Variants in PRSS55 observed in about 807,000 individuals in gnomAD.
PRSS55 encodes the protein serine protease 55, also known as probable serine protease UNQ9391/PRO34284.
PRSS55 carries 41 observed loss-of-function variants against 23.6 expected under a neutral mutation model. The observed-to-expected ratio is 1.74, with a 90% CI of 1.35 to 2.26. PRSS55 has a LOEUF of 2.26. Ranked by LOEUF, PRSS55 falls within the 30% of genes most tolerant of loss-of-function variation. The pLI, the probability that PRSS55 is intolerant of heterozygous loss-of-function variation, is 0.00. For missense variants in PRSS55, 669 were observed against 439.1 expected (o/e 1.52, Z -4.68); for synonymous variants, 262 against 175.5 (o/e 1.49, Z -3.90).
At position 10,529,647 on chromosome 8, in the gene PRSS55, A is replaced by C; in HGVS notation, c.295A>C (p.Asn99His). ...ACCTTTCTGTGGCGGCTCCATCCTC[A>C]ACAAGTGGTGGATTCTCACTGCGGC... ...SEPFCGGSIL[N>H]KWWILTAAHC... Residue 99 changes from asparagine to histidine, a missense_variant, in exon 2 of 5, where the codon AAC (asparagine) becomes CAC (histidine). Asn to His is a moderately conservative substitution (Grantham distance 68). Transcript: ENST00000328655. 5 of 1,614,174 alleles carry C rather than the reference A, an allele frequency of 3.1e-6. No homozygotes were observed. Among genetic ancestry groups the C allele is most frequent in the Non-Finnish European group, 4.2e-6 (5 of 1,180,020 alleles).
intron 4 of PRSS55, chr8:10,545,004 C>A: frequency 2.0e-6 from 2 of 985,206 alleles, no homozygotes; most frequent in African/African-American, 3.5e-5. Context: ...TCTGTTGACC[C>A]AGCCTCAACA....
downstream of PRSS55, among the ~76,000 whole-genome samples, chr8:10,542,873 CAAAAAAAAAAAAA>C (rs57410579): frequency 3.7e-5 from 3 of 81,026 alleles, no homozygotes; most frequent in Non-Finnish European, 7.1e-5. Context: ...AACTTTGTCT[CAAAAAAAAAAAAA>C]AAAAAAAAAA....
At chr8:10,549,487 G>A (rs1005122817) in intron 4 of PRSS55, among the ~76,000 whole-genome samples, 6 of 152,328 alleles carry the variant, frequency 3.9e-5, no homozygotes, top group South Asian at 2.1e-4. Flanking sequence ...CTAAGCCCAC[G>A]TACAGCCTGT....
chr8:10,548,640 AG>A (rs912238892), intron 4 of PRSS55, among the ~76,000 whole-genome samples: 61 of 152,166 alleles, frequency 4.0e-4, no homozygotes, highest in African/African-American at 1.3e-3. Flanking sequence ...CCTGCCTGCA[AG>A]TCTCCTGCGG....
At chr8:10,549,104 A>G (rs56668946) in intron 4 of PRSS55, among the ~76,000 whole-genome samples, 41,886 of 152,084 alleles carry the variant, frequency 0.28, 6,713 homozygotes, top group East Asian at 0.42. Context: ...TTGACAGAAA[A>G]CATTCGCTTA....
downstream of PRSS55, among the ~76,000 whole-genome samples, chr8:10,543,272 C>A (rs1366112160): frequency 6.6e-6 from 1 of 152,026 alleles, no homozygotes; most frequent in Non-Finnish European, 1.5e-5. Context: ...AATGTAAGCC[C>A]GGAGCTTCTG....
In PRSS55 at chr8:10,538,575, A is replaced by G; in HGVS notation, c.841A>G (p.Thr281Ala). The change falls in exon 5 of 5, where the codon ACC (threonine) becomes GCC (alanine). Residue 281 changes from threonine to alanine, a missense_variant. By Grantham distance (58) the Thr-to-Ala change is moderately conservative (BLOSUM62 0). Coordinates refer to ENST00000328655, the MANE Select transcript of PRSS55 (RefSeq NM_198464.4). ...SWGKSCGEKN[T>A]PGIYTSLVNY... is the part of the protein sequence containing the mutation. ...GGGAAAGAGCTGTGGAGAGAAGAAC[A>G]CCCCAGGGATATACACCTCGTTGGT... 1.9e-6 allele frequency: 3 copies of G among 1,614,056 alleles called. No homozygotes were observed. Among genetic ancestry groups the G allele is most frequent in the Non-Finnish European group, 2.5e-6 (3 of 1,179,974 alleles).
rs776995885 is a variant in PRSS55, at chr8:10,538,530, C to T, written c.796C>T (p.Gln266Ter). The change falls in exon 5 of 5, where the codon CAG (glutamine) becomes TAG (stop). Residue 266 changes from glutamine to a stop codon, truncating the protein, a stop_gained. Coordinates refer to ENST00000328655, the MANE Select transcript of PRSS55 (RefSeq NM_198464.4). LOFTEE classifies it low-confidence loss of function (END_TRUNC). ...CCCAGAGCCTGGTGAGAAGTGGTAC[C>T]AGGTGGGCATCATAAGCTGGGGAAA... ...CTPEPGEKWYQVGIISWGKSC... is the reference protein window; with the variant it reads ...CTPEPGEKWY 9.9e-6 allele frequency: 16 copies of T among 1,614,014 alleles called. No homozygotes were observed. The highest frequency in any genetic ancestry group is 8.5e-7 in the Non-Finnish European group (1 of 1,180,026).
At position 10,529,610 on chromosome 8, in the gene PRSS55, G is replaced by A; in HGVS notation, c.258G>A (p.Gln86=). The A allele has an allele frequency of 6.2e-7, 1 of 1,614,220 alleles. No individual in the cohort carries two copies. The highest frequency in any genetic ancestry group is 8.5e-7 in the Non-Finnish European group (1 of 1,180,034). ...VGEFPWQVSI[Q]ARSEPFCGGS... is the part of the protein sequence containing the mutation. ...AGTTTCCGTGGCAGGTGAGTATTCA[G>A]GCAAGAAGTGAACCTTTCTGTGGCG... The change falls in exon 2 of 5, where the codon CAG becomes CAA. Residue 86 remains glutamine, a synonymous_variant. Transcript: ENST00000328655.
chr8:10,553,908 T>A, intron 4 of PRSS55: 1 of 1,391,966 alleles, frequency 7.2e-7, no homozygotes, highest in African/African-American at 1.5e-5. Context: ...TACATAAAAT[T>A]TTTTTAATTT....
intron 4 of PRSS55, among the ~76,000 whole-genome samples, chr8:10,553,613 G>T (rs1052471121): frequency 1.3e-5 from 2 of 152,280 alleles, no homozygotes. Context: ...TCATAGAATC[G>T]CAGAGTAGAA....
chr8:10,537,011 A>G (rs759294623), intron 4 of PRSS55, among the ~76,000 whole-genome samples: 4 of 152,234 alleles, frequency 2.6e-5, no homozygotes, highest in Non-Finnish European at 4.4e-5. Flanking sequence ...CATGTACCCT[A>G]TGAACGTAAA....
At chr8:10,526,213 C>G (rs573838332) in intron 1 of PRSS55, among the ~76,000 whole-genome samples, 9 of 152,332 alleles carry the variant, frequency 5.9e-5, no homozygotes, top group Non-Finnish European at 1.3e-4. Flanking sequence ...TGCTGGGGTA[C>G]CTAGCAACTG....
exon 5 of PRSS55, chr8:10,553,984 C>G: frequency 6.5e-7 from 1 of 1,532,200 alleles, no homozygotes; most frequent in Non-Finnish European, 8.7e-7. Context: ...ACACCGGAAG[C>G]TCTCAAACAA....
chr8:10,529,355 TG>T, intron 1 of PRSS55, 151 bp from the exon 2 acceptor site: 1 of 746,068 alleles, frequency 1.3e-6, no homozygotes, highest in Admixed American at 2.0e-5. Flanking sequence ...TCACAAGGGC[TG>T]CCCCGCTCGG....
chr8:10,534,933 T>C (rs1812404017), intron 4 of PRSS55, among the ~76,000 whole-genome samples: 1 of 152,108 alleles, frequency 6.6e-6, no homozygotes, highest in Non-Finnish European at 1.5e-5. Flanking sequence ...ACACACAAGC[T>C]GAGAGCCAAA....
intron 1 of PRSS55, 33 bp from the exon 2 acceptor site, chr8:10,529,468 GTTTCCC>G: frequency 6.2e-7 from 1 of 1,602,458 alleles, no homozygotes; most frequent in Non-Finnish European, 8.6e-7. Context: ...CTGACTAAGT[GTTTCCC>G]CTTTTCCTTT....
chr8:10,535,482 C>T lies in PRSS55; in HGVS notation c.741+2434C>T, dbSNP rs546997183. Among the ~76,000 whole-genome samples the T allele has an allele frequency of 5.9e-5, 9 of 152,282 alleles. No individual in the cohort carries two copies. In the South Asian group the frequency reaches 6.2e-4, roughly 11 times the overall value. ...AGCAATGGGGAAAGGACTTCCTTTT[C>T]GATAAATGGTGTTGGGATAACTGGC... On this transcript the variant is annotated intron_variant, in intron 4 of 4. Transcript: ENST00000328655.
At chr8:10,544,649 T>C (rs1320594068) in intron 4 of PRSS55, among the ~76,000 whole-genome samples, 1 of 152,232 alleles carries the variant, frequency 6.6e-6, no homozygotes, top group African/African-American at 2.4e-5. Context: ...ATTTTAATTT[T>C]TTAATGATGC....
Sources: gnomAD v4.1 joint callset for allele counts (sites outside exome capture counted in the v4.1 genomes callset) on GRCh38, gnomAD v4.1.1 for gene constraint, MANE v1.5 for transcripts, NCBI Gene and HGNC (gene_info 2026-07-23, HGNC 2026-07-21) for gene names.